The following QNG1 variants were observed in gnomAD, a reference collection of about 807,000 sequenced individuals.
QNG1 encodes the protein Q-nucleotide N-glycosylase 1, also known as queuosine 5'-phosphate N-glycosylase/hydrolase.
the QNG1 span, chr9:83,956,061 AT>A: frequency 8.3e-7 from 1 of 1,197,768 alleles, no homozygotes; most frequent in Non-Finnish European, 1.2e-6. Context: ...TTCGCTTTCC[AT>A]TATTCCATCT....
the QNG1 span, among the ~76,000 whole-genome samples, chr9:83,946,984 T>G: frequency 6.6e-6 from 1 of 152,008 alleles, no homozygotes; most frequent in African/African-American, 2.4e-5. Context: ...GGCAGGGGGT[T>G]TGCTTGAGCC....
At chr9:83,940,207 C>T in the QNG1 span, among the ~76,000 whole-genome samples, 2 of 152,098 alleles carry the variant, frequency 1.3e-5, no homozygotes, top group Non-Finnish European at 2.9e-5. Context: ...GAGTTCAAGA[C>T]CAGCCTGGGC....
At chr9:83,945,356 A>C in the QNG1 span, among the ~76,000 whole-genome samples, 1 of 151,088 alleles carries the variant, frequency 6.6e-6, no homozygotes, top group Non-Finnish European at 1.5e-5. Context: ...AACTGTGATC[A>C]CACCACTGCA....
At chr9:83,953,774 T>C in the QNG1 span, 1 of 1,545,316 alleles carries the variant, frequency 6.5e-7, no homozygotes, top group Admixed American at 2.0e-5. Flanking sequence ...TCCAAAAGAA[T>C]TTTACAAAAA....
the QNG1 span, chr9:83,953,877 A>G: frequency 7.7e-7 from 1 of 1,305,068 alleles, no homozygotes; most frequent in East Asian, 2.5e-5. Flanking sequence ...AAATATATAT[A>G]CAGTACACTG....
chr9:83,953,777 T>TA, the QNG1 span: 4 of 1,547,018 alleles, frequency 2.6e-6, no homozygotes, highest in Non-Finnish European at 3.5e-6. Flanking sequence ...AAAAGAATTT[T>TA]ACAAAAACAA....
the QNG1 span, among the ~76,000 whole-genome samples, chr9:83,949,219 C>T: frequency 6.6e-6 from 1 of 151,872 alleles, no homozygotes; most frequent in African/African-American, 2.4e-5. Context: ...CAATTTAAAA[C>T]ATTCCTACAT....
At chr9:83,951,354 A>G in the QNG1 span, among the ~76,000 whole-genome samples, 1 of 152,370 alleles carries the variant, frequency 6.6e-6, no homozygotes, top group African/African-American at 2.4e-5. Context: ...TGAGGTCAGG[A>G]GTTCGAGACC....
At chr9:83,944,678 T>G in the QNG1 span, 1 of 752,770 alleles carries the variant, frequency 1.3e-6, no homozygotes, top group Non-Finnish European at 2.1e-6. Context: ...TTTTTACATA[T>G]ACTATGAACA....
the QNG1 span, chr9:83,956,624 G>C: frequency 2.6e-6 from 2 of 767,428 alleles, no homozygotes; most frequent in Non-Finnish European, 4.0e-6. Flanking sequence ...GCCCTGCCAG[G>C]GAGTGGCACC....
chr9:83,946,253 C>T, the QNG1 span, among the ~76,000 whole-genome samples: 4 of 151,572 alleles, frequency 2.6e-5, no homozygotes, highest in Non-Finnish European at 5.9e-5. Flanking sequence ...TGCAGTGAGC[C>T]GAGATCGCAC....
the QNG1 span, among the ~76,000 whole-genome samples, chr9:83,952,792 C>T: frequency 6.1e-5 from 8 of 132,132 alleles, no homozygotes; most frequent in Admixed American, 6.4e-4. Context: ...AAGACTCCGT[C>T]TGAAAAAAAA....
At chr9:83,948,635 G>A in the QNG1 span, among the ~76,000 whole-genome samples, 1 of 152,182 alleles carries the variant, frequency 6.6e-6, no homozygotes, top group Non-Finnish European at 1.5e-5. Flanking sequence ...TGACGATGGC[G>A]GTTTTGTCGA....
chr9:83,953,175 G>T, the QNG1 span, among the ~76,000 whole-genome samples: 2 of 151,994 alleles, frequency 1.3e-5, no homozygotes, highest in African/African-American at 4.8e-5. Context: ...GACTGAGGCA[G>T]GAGAATCATT....
chr9:83,943,328 T>C, the QNG1 span, among the ~76,000 whole-genome samples: 1 of 78,834 alleles, frequency 1.3e-5, no homozygotes, highest in Non-Finnish European at 2.1e-5. Context: ...CAACAGAGCG[T>C]CTCAAAAAAA....
At chr9:83,953,530 T>G in the QNG1 span, 1 of 297,364 alleles carries the variant, frequency 3.4e-6, no homozygotes, top group Non-Finnish European at 6.4e-6. Flanking sequence ...ATATTTTTAG[T>G]AGAGACGGGG....
At chr9:83,950,957 C>T in the QNG1 span, among the ~76,000 whole-genome samples, 9 of 152,172 alleles carry the variant, frequency 5.9e-5, no homozygotes, top group African/African-American at 2.2e-4. Context: ...ATAGAAAGTT[C>T]AAGGATTACA....
the QNG1 span, among the ~76,000 whole-genome samples, chr9:83,949,328 G>GAA: frequency 2.0e-5 from 3 of 152,114 alleles, no homozygotes; most frequent in Non-Finnish European, 4.4e-5. Context: ...CAGGTTTCTA[G>GAA]TTCAAGTCTA....
chr9:83,947,034 A>G, the QNG1 span, among the ~76,000 whole-genome samples: 3,021 of 152,120 alleles, frequency 0.02, 91 homozygotes, highest in African/African-American at 0.068. Flanking sequence ...TCACATCACT[A>G]AACTCCATCC....
Sources: gnomAD v4.1 joint callset for allele counts (sites outside exome capture counted in the v4.1 genomes callset) on GRCh38, gnomAD v4.1.1 for gene constraint, MANE v1.5 for transcripts, NCBI Gene and HGNC (gene_info 2026-07-23, HGNC 2026-07-21) for gene names.